Variants in AHDC1 observed in about 807,000 individuals in gnomAD.
The protein encoded by AHDC1 is AT-hook DNA binding motif containing 1, also known as transcription factor Gibbin.
AHDC1 carries 7 observed loss-of-function variants against 87.9 expected under a neutral mutation model. The ratio of observed to expected loss-of-function variants is 0.08; its 90% CI spans 0.05 to 0.15. The LOEUF (loss-of-function observed/expected upper bound fraction) is 0.15. AHDC1 is among the 10% of genes least tolerant of loss of function. The pLI is 1.00. For missense variants in AHDC1, 1,841 were observed against 2,253.2 expected, an observed-to-expected ratio of 0.82 and a Z score of 3.70; for synonymous variants, 1,051 against 1,006.8, an observed-to-expected ratio of 1.04 and a Z score of -0.83.
In AHDC1 at chr1:27,550,387, C is replaced by A; in HGVS notation, c.1729G>T (p.Ala577Ser). 1 of 1,613,028 alleles carries A rather than the reference C, an allele frequency of 6.2e-7. No homozygotes were observed. The highest frequency in any genetic ancestry group is 8.5e-7 in the Non-Finnish European group (1 of 1,179,488). Reference sequence around the variant, plus strand: ...TTTACCTCTGGCATGGCCATGGTGGCCGCTGCCACAGTGGCTGCCTCGGCC... The same window carrying A: ...TTTACCTCTGGCATGGCCATGGTGGACGCTGCCACAGTGGCTGCCTCGGCC... ...VAAEAATVAA[A>S]TMAMPEVKKR... Residue 577 changes from alanine to serine, a missense_variant, in exon 8 of 9, where the codon GCC becomes TCC. Coordinates refer to ENST00000673934, the MANE Select transcript of AHDC1 (RefSeq NM_001371928.1).
intron 8 of AHDC1, among the ~76,000 whole-genome samples, chr1:27,538,668 C>A (rs891743000): frequency 2.0e-5 from 3 of 151,992 alleles, no homozygotes; most frequent in Non-Finnish European, 4.4e-5. Flanking sequence ...GCGCACATCA[C>A]CACACCTGGC....
chr1:27,590,001 C>T lies in AHDC1; in HGVS notation c.-629+13396G>A, dbSNP rs1165221338. Among the ~76,000 whole-genome samples, 1 of 152,124 alleles carries T rather than the reference C, an allele frequency of 6.6e-6. No homozygotes were observed. The highest frequency in any genetic ancestry group is 1.5e-5 in the Non-Finnish European group (1 of 67,990). On this transcript the variant is annotated intron_variant, in intron 3 of 8. Transcript: ENST00000673934. The surrounding 1 kb of genome is among the most constrained non-coding windows in gnomAD (Gnocchi z 5.4). The stretch of plus-strand genomic sequence containing the variant: ...CTGTGGGCTGGGCAGGGCTCCAGGA[C>T]ATGTGACTGGGCCTTAGAGGCCTGT...
Position 27,551,441 on chromosome 1 carries a change from C to A in AHDC1, c.675G>T (p.Leu225=). ...TGCTGTCTGGCTCAGGCTCTGGGGGCAGACCCGTGGCCGCAGCCGTGGCTC... is the reference window on the plus strand; with the variant it reads ...TGCTGTCTGGCTCAGGCTCTGGGGGAAGACCCGTGGCCGCAGCCGTGGCTC... ...SPGATAAATG[L]PPEPEPDSTD... The change falls in exon 8 of 9, where the codon CTG becomes CTT. Residue 225 remains leucine (L), a synonymous_variant. Transcript: ENST00000673934. The A allele has an allele frequency of 4.3e-6, 7 of 1,612,576 alleles. No individual in the cohort carries two copies. Among genetic ancestry groups the A allele is most frequent in the Non-Finnish European group, 5.9e-6 (7 of 1,179,832 alleles).
At chr1:27,567,448 TA>T (rs2020372620) in intron 3 of AHDC1, among the ~76,000 whole-genome samples, 1 of 152,094 alleles carries the variant, frequency 6.6e-6, no homozygotes, top group Non-Finnish European at 1.5e-5. Context: ...GAGATGTCAC[TA>T]ATTGTCTGAA....
Position 27,548,661 on chromosome 1 carries a change from T to C in AHDC1, c.3455A>G (p.Lys1152Arg). 2 of 1,613,456 alleles carry C rather than the reference T, an allele frequency of 1.2e-6. No individual in the cohort carries two copies. The highest frequency in any genetic ancestry group is 1.1e-5 in the South Asian group (1 of 91,086). Residue 1152 changes from lysine (K) to arginine (R), a missense_variant, in exon 8 of 9, where the codon AAG becomes AGG. This residue lies in a region of AHDC1 where 505 missense variants were observed against 626.2 expected (regional missense o/e 0.81). Coordinates refer to ENST00000673934, the MANE Select transcript of AHDC1 (RefSeq NM_001371928.1). The stretch of plus-strand genomic sequence containing the variant: ...CGACACAGCCGTCTGCTGCTTCACC[T>C]TCTGCGGTGTGTAGTTGGAGATGTC... ...ILDISNYTPQ[K>R]VKQQTAVSET... is the part of the protein sequence containing the mutation.
At chr1:27,569,538 C>T (rs148159657) in intron 3 of AHDC1, among the ~76,000 whole-genome samples, 2 of 152,262 alleles carry the variant, frequency 1.3e-5, no homozygotes, top group Non-Finnish European at 2.9e-5. Flanking sequence ...TGTAATTCTC[C>T]ACCCCAAACA....
Position 27,558,071 on chromosome 1 carries a change from C to T in AHDC1, c.-225+234G>A. Among the ~76,000 whole-genome samples the T allele has an allele frequency of 6.6e-6, 1 of 152,210 alleles. No homozygotes were observed. Among genetic ancestry groups the T allele is most frequent in the Non-Finnish European group, 1.5e-5 (1 of 68,030 alleles). On this transcript the variant is annotated intron_variant, in intron 5 of 8. Transcript: ENST00000673934. The surrounding 1 kb of genome is among the most constrained non-coding windows in gnomAD (Gnocchi z 5.6). ...GCTCCTTTGGAAGTAGGGTGGGGTC[C>T]CCAGGCAGGCTCAGCTCTAGGGAGC...
chr1:27,550,178 C>A lies in AHDC1; in HGVS notation c.1938G>T (p.Val646=). 6.2e-7 allele frequency: 1 copy of A among 1,611,950 alleles called. No homozygotes were observed. Among genetic ancestry groups the A allele is most frequent in the East Asian group, 2.2e-5 (1 of 44,882 alleles). ...RCWTPSEPES[V]HQAPDTQSIS... ...TGCTCTGGGTGTCGGGGGCCTGGTG[C>A]ACCGACTCCGGCTCACTGGGTGTCC... The change falls in exon 8 of 9, where the codon GTG becomes GTT. Residue 646 remains valine, a synonymous_variant. Transcript: ENST00000673934.
rs1034982457 is a variant in AHDC1 at position 27,585,074 on chromosome 1, C to T, written c.-629+18323G>A. Among the ~76,000 whole-genome samples, 6 of 151,646 alleles carry T rather than the reference C, an allele frequency of 4.0e-5. No homozygotes were observed. In the East Asian group the frequency reaches 5.8e-4, roughly 15 times the overall value. Reference sequence around the variant, plus strand: ...TGTAATCCCAGCTACTTGGTCTGGGCGACATGGCAAAACCTCGTCTCTACT... The same window carrying T: ...TGTAATCCCAGCTACTTGGTCTGGGTGACATGGCAAAACCTCGTCTCTACT... On this transcript the variant is annotated intron_variant, in intron 3 of 8. Transcript: ENST00000673934.
intron 3 of AHDC1, among the ~76,000 whole-genome samples, chr1:27,594,773 G>A (rs2089320682): frequency 6.6e-6 from 1 of 152,162 alleles, no homozygotes. Flanking sequence ...GAGAGGGTGT[G>A]CTGGAATGTG....
At chr1:27,575,947 C>G (rs1167407578) in intron 3 of AHDC1, among the ~76,000 whole-genome samples, 1 of 151,856 alleles carries the variant, frequency 6.6e-6, no homozygotes, top group Non-Finnish European at 1.5e-5. Flanking sequence ...CGATCCGGGT[C>G]GGGCTCGGGC....
chr1:27,550,612 G>A lies in AHDC1; in HGVS notation c.1504C>T (p.Leu502=). The stretch of plus-strand genomic sequence containing the variant: ...CCCAGCTCCTTGCCCTCCACGCTCA[G>A]GCTGCTGCTCAAGGAAGACACTTTG... ...TYKVSSLSSS[L]SVEGKELGLR... is the part of the protein sequence containing the mutation. The change falls in exon 8 of 9, where the codon CTG becomes TTG. Residue 502 remains leucine, a synonymous_variant. Transcript: ENST00000673934. 1.2e-6 allele frequency: 2 copies of A among 1,613,780 alleles called. No individual in the cohort carries two copies. Among genetic ancestry groups the A allele is most frequent in the African/African-American group, 1.3e-5 (1 of 75,082 alleles).
At chr1:27,544,843 C>T (rs1239700051) in intron 8 of AHDC1, among the ~76,000 whole-genome samples, 4 of 152,170 alleles carry the variant, frequency 2.6e-5, no homozygotes, top group African/African-American at 4.8e-5. Flanking sequence ...CCCTGCTCCA[C>T]GGTGGCCTGG....
At chr1:27,585,489 G>A (rs1206235814) in intron 3 of AHDC1, among the ~76,000 whole-genome samples, 1 of 152,150 alleles carries the variant, frequency 6.6e-6, no homozygotes, top group Non-Finnish European at 1.5e-5. Context: ...CTGGAACATA[G>A]TAAACACTAT....
chr1:27,599,365 T>G (rs1004796757), intron 3 of AHDC1, among the ~76,000 whole-genome samples: 8 of 151,800 alleles, frequency 5.3e-5, no homozygotes, highest in Non-Finnish European at 1.2e-4. Context: ...CTCTCTCGCC[T>G]CCCTCCCTCT....
At chr1:27,556,891 G>C (rs986831520) in intron 5 of AHDC1, among the ~76,000 whole-genome samples, 4 of 151,954 alleles carry the variant, frequency 2.6e-5, no homozygotes, top group African/African-American at 9.7e-5. Context: ...CATCCAACTA[G>C]ATGCACTACT....
chr1:27,557,625 A>G (rs141491550), intron 5 of AHDC1, among the ~76,000 whole-genome samples: 264 of 152,310 alleles, frequency 1.7e-3, no homozygotes, highest in African/African-American at 5.7e-3. Flanking sequence ...GCACACACTT[A>G]GCCAGTGTAC....
Position 27,547,614 on chromosome 1 carries a change from C to T in AHDC1, c.4502G>A (p.Ser1501Asn). Reference sequence around the variant, plus strand: ...TGGTGGGCTAGCCAGGTGAGGGGCACTGAGGCACGCGGCCTCCGTCCTGCC... The same window carrying T: ...TGGTGGGCTAGCCAGGTGAGGGGCATTGAGGCACGCGGCCTCCGTCCTGCC... ...FLGRTEAACL[S>N]APHLASPPAT... Residue 1501 changes from serine (S) to asparagine (N), a missense_variant, in exon 8 of 9, where the codon AGT becomes AAT. By Grantham distance (46) the Ser-to-Asn change is conservative (BLOSUM62 1). This residue lies in a region of AHDC1 where 505 missense variants were observed against 626.2 expected (regional missense o/e 0.81). Coordinates refer to ENST00000673934, the MANE Select transcript of AHDC1 (RefSeq NM_001371928.1). The surrounding 1 kb of genome is among the most constrained non-coding windows in gnomAD (Gnocchi z 4.9). The T allele has an allele frequency of 4.4e-6, 7 of 1,602,870 alleles. No homozygotes were observed. The highest frequency in any genetic ancestry group is 6.0e-6 in the Non-Finnish European group (7 of 1,175,550).
chr1:27,594,647 A>G (rs567873697), intron 3 of AHDC1, among the ~76,000 whole-genome samples: 2 of 152,316 alleles, frequency 1.3e-5, no homozygotes, highest in East Asian at 1.9e-4. Flanking sequence ...CTCCCCAGGC[A>G]GAGGAGGCTC....
Sources: gnomAD v4.1 joint callset for allele counts (sites outside exome capture counted in the v4.1 genomes callset) on GRCh38, gnomAD v4.1.1 for gene constraint, gnomAD v4.1.1 regional missense constraint, Gnocchi (gnomAD v3.1) non-coding constraint, MANE v1.5 for transcripts, NCBI Gene and HGNC (gene_info 2026-07-23, HGNC 2026-07-21) for gene names.